The following PIK3CB variants were observed in gnomAD, a reference collection of about 807,000 sequenced individuals.
PIK3CB encodes the protein phosphatidylinositol-4,5-bisphosphate 3-kinase catalytic subunit beta.
A neutral mutation model predicts 136.8 loss-of-function variants in PIK3CB; 39 were observed. That is an observed-to-expected ratio of 0.29 (90% CI 0.22 to 0.37). The LOEUF (loss-of-function observed/expected upper bound fraction) is 0.37, where lower values mean the gene tolerates loss of function less well. Among genes scored for constraint, PIK3CB ranks in the 10% least tolerant of loss-of-function variants. The probability of loss-of-function intolerance (pLI) is 1.00; values close to 1 mark genes in which losing one functional copy is unlikely to be tolerated. For missense variants in PIK3CB, 868 were observed against 1,275.4 expected, an observed-to-expected ratio of 0.68 and a Z score of 4.87; for synonymous variants, 428 against 436.6, an observed-to-expected ratio of 0.98 and a Z score of 0.25.
chr3:138,804,417 G>C (rs150896278), intron 1 of PIK3CB, among the ~76,000 whole-genome samples: 1 of 152,250 alleles, frequency 6.6e-6, no homozygotes, highest in East Asian at 1.9e-4. Flanking sequence ...AGGAGGCTGA[G>C]GTGGAAGCAT....
intron 21 of PIK3CB, among the ~76,000 whole-genome samples, chr3:138,663,378 T>G (rs567600161): frequency 6.6e-6 from 1 of 152,144 alleles, no homozygotes; most frequent in South Asian, 2.1e-4. Context: ...ACTACAAAAA[T>G]TTTTTCAATA....
At chr3:138,784,158 A>C (rs1425109322) in intron 2 of PIK3CB, among the ~76,000 whole-genome samples, 1 of 152,162 alleles carries the variant, frequency 6.6e-6, no homozygotes, top group East Asian at 1.9e-4. Context: ...TTGGAAGACA[A>C]GTGGATCACC....
intron 1 of PIK3CB, among the ~76,000 whole-genome samples, chr3:138,812,421 G>A (rs1021488210): frequency 4.0e-5 from 6 of 151,466 alleles, no homozygotes; most frequent in African/African-American, 1.5e-4. Flanking sequence ...ATTTTTAGTA[G>A]AGATGGGGTT....
At chr3:138,683,598 C>T (rs780509592) in intron 18 of PIK3CB, 80 bp downstream of exon 18, 2 of 789,318 alleles carry the variant, frequency 2.5e-6, no homozygotes, top group South Asian at 1.5e-5. Context: ...ACTTACACTA[C>T]ACATCACCTT....
intron 2 of PIK3CB, among the ~76,000 whole-genome samples, chr3:138,773,694 T>C (rs949565738): frequency 3.9e-5 from 6 of 152,206 alleles, no homozygotes; most frequent in African/African-American, 1.4e-4. Flanking sequence ...AGATTTCTAG[T>C]TTTTAGTCTA....
intron 2 of PIK3CB, among the ~76,000 whole-genome samples, chr3:138,769,703 C>T (rs2045777314): frequency 6.6e-6 from 1 of 152,188 alleles, no homozygotes; most frequent in Admixed American, 6.5e-5. Flanking sequence ...ACCAATAAAT[C>T]TTCTGTAGCT....
At chr3:138,713,369 C>T (rs1305797881) in intron 9 of PIK3CB, among the ~76,000 whole-genome samples, 1 of 151,142 alleles carries the variant, frequency 6.6e-6, no homozygotes, top group Non-Finnish European at 1.5e-5. Context: ...CTTATATTCC[C>T]ATGTTAAGAA....
At chr3:138,772,284 T>TG (rs2045809039) in intron 2 of PIK3CB, among the ~76,000 whole-genome samples, 1 of 152,138 alleles carries the variant, frequency 6.6e-6, no homozygotes, top group Admixed American at 6.6e-5. Context: ...ACTCATACAG[T>TG]TCAAAAGTAA....
At position 138,656,270 on chromosome 3, in the gene PIK3CB, G is replaced by C; in HGVS notation, c.2947C>G (p.Arg983Gly). The change falls in exon 23 of 24, where the codon CGC becomes GGC. Residue 983 changes from arginine to glycine, a missense_variant. By Grantham distance (125) the Arg-to-Gly change is moderately radical (BLOSUM62 -2). This residue lies in a region of PIK3CB where 88 missense variants were observed against 147.8 expected (regional missense o/e 0.60). Coordinates refer to ENST00000674063, the MANE Select transcript of PIK3CB (RefSeq NM_006219.3). ...TGNTEKFGRF[R>G]QCCEDAYLIL... ...AGATATGCATCCTCACAACACTGGCGGAACCTTTGGGTGATGCAGCAAACC... is the reference window on the plus strand; with the variant it reads ...AGATATGCATCCTCACAACACTGGCCGAACCTTTGGGTGATGCAGCAAACC... The C allele has an allele frequency of 6.2e-7, 1 of 1,614,064 alleles. No individual in the cohort carries two copies. The highest frequency in any genetic ancestry group is 1.1e-5 in the South Asian group (1 of 91,064).
At chr3:138,670,858 TTATTC>T (rs1233060547) in intron 19 of PIK3CB, among the ~76,000 whole-genome samples, 1 of 152,218 alleles carries the variant, frequency 6.6e-6, no homozygotes, top group African/African-American at 2.4e-5. Flanking sequence ...TCTCTTTTCT[TTATTC>T]TAATCACAGC....
chr3:138,834,163 G>T (rs189148308), intron 1 of PIK3CB, among the ~76,000 whole-genome samples: 1 of 152,244 alleles, frequency 6.6e-6, no homozygotes, highest in African/African-American at 2.4e-5. Context: ...TATGGTGTAT[G>T]TATTATTATT....
intron 2 of PIK3CB, among the ~76,000 whole-genome samples, chr3:138,761,170 C>G (rs1454254834): frequency 6.6e-6 from 1 of 152,166 alleles, no homozygotes; most frequent in African/African-American, 2.4e-5. Context: ...CATTATGTGT[C>G]TCCTCATGAA....
At chr3:138,821,555 T>C (rs962491177) in intron 1 of PIK3CB, among the ~76,000 whole-genome samples, 11 of 151,312 alleles carry the variant, frequency 7.3e-5, no homozygotes, top group Admixed American at 2.6e-4. Context: ...GAGGCCGAGA[T>C]GGGTGGATCA....
chr3:138,670,275 C>A (rs1252171018), intron 19 of PIK3CB, among the ~76,000 whole-genome samples: 18 of 152,198 alleles, frequency 1.2e-4, no homozygotes, highest in Non-Finnish European at 2.2e-4. Flanking sequence ...CAGTCTTTAG[C>A]TTAGCTTTTC....
chr3:138,727,927 A>G (rs1415943639), intron 8 of PIK3CB, among the ~76,000 whole-genome samples: 3 of 152,112 alleles, frequency 2.0e-5, no homozygotes, highest in Non-Finnish European at 2.9e-5. Context: ...GTGTGACCTC[A>G]GCTCACTGCA....
chr3:138,718,513 C>G (rs761244737), intron 8 of PIK3CB, among the ~76,000 whole-genome samples: 1 of 152,070 alleles, frequency 6.6e-6, no homozygotes, highest in Non-Finnish European at 1.5e-5. Flanking sequence ...GAAGCTCTTA[C>G]GTTTAGTTAA....
At chr3:138,805,987 C>CA (rs2046230153) in intron 1 of PIK3CB, among the ~76,000 whole-genome samples, 1 of 151,564 alleles carries the variant, frequency 6.6e-6, no homozygotes, top group Admixed American at 6.6e-5. Context: ...CTTGGCCTCC[C>CA]AAAGTGCTGG....
intron 4 of PIK3CB, among the ~76,000 whole-genome samples, chr3:138,743,265 G>C (rs1440131932): frequency 1.3e-5 from 2 of 151,974 alleles, no homozygotes; most frequent in African/African-American, 4.8e-5. Context: ...CAATACACAG[G>C]GGCAGAGGGA....
chr3:138,792,153 C>T (rs1479086785), intron 2 of PIK3CB, among the ~76,000 whole-genome samples: 1 of 152,000 alleles, frequency 6.6e-6, no homozygotes, highest in African/African-American at 2.4e-5. Flanking sequence ...TGAGATCGCG[C>T]CATTGCACTC....
Sources: gnomAD v4.1 joint callset for allele counts (sites outside exome capture counted in the v4.1 genomes callset) on GRCh38, gnomAD v4.1.1 for gene constraint, gnomAD v4.1.1 regional missense constraint, MANE v1.5 for transcripts, NCBI Gene and HGNC (gene_info 2026-07-23, HGNC 2026-07-21) for gene names.